Variants in FOXP2 observed in about 807,000 individuals in gnomAD.
The protein encoded by FOXP2 is forkhead box protein P2.
FOXP2 carries 12 observed loss-of-function variants against 115.8 expected under a neutral mutation model. The observed-to-expected ratio is 0.10, with a 90% CI of 0.07 to 0.17. The LOEUF is 0.17. Among genes scored for constraint, FOXP2 ranks in the 10% least tolerant of loss-of-function variants. The probability of loss-of-function intolerance (pLI) is 1.00; values close to 1 mark genes in which losing one functional copy is unlikely to be tolerated. For synonymous variants in FOXP2, 328 were observed against 297.7 expected, an observed-to-expected ratio of 1.10 and a Z score of -1.05; for missense variants, 629 against 843.5, an observed-to-expected ratio of 0.75 and a Z score of 3.15.
At chr7:114,387,224 A>G (rs558920176) in intron 2 of FOXP2, among the ~76,000 whole-genome samples, 2 of 152,300 alleles carry the variant, frequency 1.3e-5, no homozygotes, top group East Asian at 1.9e-4. Flanking sequence ...TTGGATTTTG[A>G]TAACACCTGT....
At chr7:114,497,665 GTAAATAAA>G (rs3028216) in intron 2 of FOXP2, among the ~76,000 whole-genome samples, 14,051 of 145,544 alleles carry the variant, frequency 0.097, 716 homozygotes, top group Middle Eastern at 0.17. Flanking sequence ...AAATAAATAA[GTAAATAAA>G]TAAATAAATA....
At chr7:114,429,006 G>C (rs1793991208) in intron 2 of FOXP2, among the ~76,000 whole-genome samples, 1 of 151,474 alleles carries the variant, frequency 6.6e-6, no homozygotes, top group Admixed American at 6.6e-5. Flanking sequence ...GATTTAAGAG[G>C]CAGTGATGTA....
At chr7:114,148,270 G>T (rs1358217460) in intron 1 of FOXP2, among the ~76,000 whole-genome samples, 2 of 152,086 alleles carry the variant, frequency 1.3e-5, no homozygotes, top group Non-Finnish European at 2.9e-5. Flanking sequence ...TTCTCATCCA[G>T]GTCCTTTTTT....
At chr7:114,534,582 A>C in intron 2 of FOXP2, 35 bp from the exon 3 acceptor site, 1 of 1,575,374 alleles carries the variant, frequency 6.3e-7, no homozygotes, top group Non-Finnish European at 8.7e-7. Context: ...AACTTTCAAC[A>C]AAATATTTAG....
chr7:114,364,270 A>G (rs1791823638), intron 2 of FOXP2, among the ~76,000 whole-genome samples: 1 of 152,102 alleles, frequency 6.6e-6, no homozygotes, highest in African/African-American at 2.4e-5. Context: ...TTGTTAATGA[A>G]GTGGAGGTCG....
chr7:114,252,562 T>A (rs1025872036), intron 1 of FOXP2, among the ~76,000 whole-genome samples: 1 of 152,212 alleles, frequency 6.6e-6, no homozygotes, highest in Non-Finnish European at 1.5e-5. Flanking sequence ...TCTTCTAGAT[T>A]TTCTAGTTTA....
intron 1 of FOXP2, among the ~76,000 whole-genome samples, chr7:114,150,882 C>G (rs1280000243): frequency 6.6e-6 from 1 of 151,940 alleles, no homozygotes; most frequent in South Asian, 2.1e-4. Flanking sequence ...CTGTGGCATT[C>G]CCTCAAGTAC....
At chr7:114,168,987 G>A (rs529155589) in intron 1 of FOXP2, among the ~76,000 whole-genome samples, 1 of 152,352 alleles carries the variant, frequency 6.6e-6, no homozygotes, top group East Asian at 1.9e-4. Context: ...GTACACAGAA[G>A]TCAAGAATTG....
chr7:114,618,559 A>G (rs893719293), intron 3 of FOXP2, among the ~76,000 whole-genome samples: 1 of 152,218 alleles, frequency 6.6e-6, no homozygotes, highest in East Asian at 1.9e-4. Flanking sequence ...TTTGCCTGCT[A>G]TACAACAGAC....
At chr7:114,624,336 A>C (rs1366896151) in intron 3 of FOXP2, among the ~76,000 whole-genome samples, 1 of 151,950 alleles carries the variant, frequency 6.6e-6, no homozygotes, top group Non-Finnish European at 1.5e-5. Flanking sequence ...CTTTGTCTTC[A>C]AATTTTAAAC....
rs189066707 is a variant in FOXP2 at position 114,492,518 on chromosome 7, A to G, written c.169-42099A>G. On this transcript the variant is annotated intron_variant, in intron 2 of 16. Coordinates refer to ENST00000350908, the MANE Select transcript of FOXP2 (RefSeq NM_014491.4). ...ATTGTGATGTTAGGGTGTCAATTTT[A>G]TATCTTTCCTGCTTTCTCTTGTGGG... 3.4e-3 allele frequency among the ~76,000 whole-genome samples: 521 copies of G among 151,772 alleles called. 1 individual carries two copies. The highest frequency in any genetic ancestry group is 4.9e-3 in the East Asian group (25 of 5,130).
At chr7:114,224,422 T>C (rs1794699817) in intron 1 of FOXP2, among the ~76,000 whole-genome samples, 1 of 152,204 alleles carries the variant, frequency 6.6e-6, no homozygotes, top group South Asian at 2.1e-4. Flanking sequence ...ATTAATACTT[T>C]CAATAATATT....
chr7:114,294,902 G>A (rs552103394), intron 2 of FOXP2, among the ~76,000 whole-genome samples: 1,717 of 149,274 alleles, frequency 0.012, 15 homozygotes, highest in African/African-American at 0.017. Flanking sequence ...ATACATGCAT[G>A]CATGCATATA....
intron 1 of FOXP2, among the ~76,000 whole-genome samples, chr7:114,229,822 C>G (rs73439582): frequency 1.6e-3 from 238 of 151,566 alleles, no homozygotes; most frequent in African/African-American, 5.3e-3. Context: ...GAACTTGACT[C>G]TACACCGTAA....
chr7:114,627,345 A>G (rs1247643210), intron 3 of FOXP2, among the ~76,000 whole-genome samples: 3 of 152,048 alleles, frequency 2.0e-5, no homozygotes, highest in Non-Finnish European at 4.4e-5. Flanking sequence ...ATTTATATAA[A>G]TACTTGCTTT....
chr7:114,194,266 T>C (rs1793841930), intron 1 of FOXP2, among the ~76,000 whole-genome samples: 1 of 152,094 alleles, frequency 6.6e-6, no homozygotes, highest in African/African-American at 2.4e-5. Flanking sequence ...TGCATGTCTT[T>C]TCTTTTTACT....
rs1421112053 is a variant in FOXP2, at chr7:114,692,740, T to G, written c.*2814T>G. ...ATTCTTGCTTCTATCATAAGCTGAT[T>G]ATGGGGACTATGATCTTTTGTATAC... On this transcript the variant is annotated 3_prime_UTR_variant, in exon 17 of 17. Transcript: ENST00000350908. 1 of 445,540 alleles carries G rather than the reference T, an allele frequency of 2.2e-6. No individual in the cohort carries two copies. The highest frequency in any genetic ancestry group is 2.0e-5 in the African/African-American group (1 of 49,532). The allele number at this position is 445,540 out of a possible 1,614,324, so 27.6% of individuals were successfully genotyped here.
In FOXP2 at chr7:114,652,231, G is replaced by T; in HGVS notation, c.1123G>T (p.Asp375Tyr). 6.2e-7 allele frequency: 1 copy of T among 1,612,964 alleles called. No individual in the cohort carries two copies. Among genetic ancestry groups the T allele is most frequent in the South Asian group, 1.1e-5 (1 of 91,020 alleles). ...CCTTAACAATGAACACGCATTGGAT[G>T]ACCGAAGCACTGCTCAGTGTCGAGT... ...KHLNNEHALD[D>Y]RSTAQCRVQM... Residue 375 changes from aspartate (D) to tyrosine (Y), a missense_variant, in exon 9 of 17, where the codon GAC becomes TAC. Physicochemically the swap from Asp to Tyr is radical, Grantham distance 160 (BLOSUM62 -3). Transcript: ENST00000350908.
intron 2 of FOXP2, among the ~76,000 whole-genome samples, chr7:114,378,263 G>T (rs1167675081): frequency 6.6e-6 from 1 of 152,162 alleles, no homozygotes; most frequent in Non-Finnish European, 1.5e-5. Flanking sequence ...AGACATAGGA[G>T]TTAGATGGAG....
Sources: gnomAD v4.1 joint callset for allele counts (sites outside exome capture counted in the v4.1 genomes callset) on GRCh38, gnomAD v4.1.1 for gene constraint, MANE v1.5 for transcripts, NCBI Gene and HGNC (gene_info 2026-07-23, HGNC 2026-07-21) for gene names.